ENDOD1: variants seen among roughly 807,000 people sequenced by gnomAD.
The protein encoded by ENDOD1 is endonuclease domain-containing 1 protein.
In ENDOD1, 9 loss-of-function variants were observed where a neutral mutation model predicts 6.5. That is an observed-to-expected ratio of 1.39 (90% CI 0.84 to 2.43). ENDOD1 has a LOEUF of 2.43. Ranked by LOEUF, ENDOD1 falls within the 30% of genes most tolerant of loss-of-function variation. The pLI is 0.00. For synonymous variants in ENDOD1, 255 were observed against 255.2 expected, an observed-to-expected ratio of 1.00 and a Z score of 0.01; for missense variants, 648 against 635.5, an observed-to-expected ratio of 1.02 and a Z score of -0.21.
At chr11:95,096,933 C>A (rs1180901941) in intron 1 of ENDOD1, among the ~76,000 whole-genome samples, 4 of 152,128 alleles carry the variant, frequency 2.6e-5, no homozygotes, top group African/African-American at 7.2e-5. Flanking sequence ...GAGGCCAAGG[C>A]GGTCTGATCA....
chr11:95,094,526 G>C (rs926322334), intron 1 of ENDOD1, among the ~76,000 whole-genome samples: 4 of 152,166 alleles, frequency 2.6e-5, no homozygotes, highest in Admixed American at 6.5e-5. Context: ...GGAATGAAGG[G>C]GATATTCTGG....
At chr11:95,106,836 C>A (rs1460322822) in intron 1 of ENDOD1, among the ~76,000 whole-genome samples, 1 of 151,960 alleles carries the variant, frequency 6.6e-6, no homozygotes, top group Admixed American at 6.6e-5. Context: ...CCCTTTCCCC[C>A]GTCAGCATCA....
At chr11:95,103,182 G>A (rs1859058554) in intron 1 of ENDOD1, among the ~76,000 whole-genome samples, 1 of 150,918 alleles carries the variant, frequency 6.6e-6, no homozygotes, top group Non-Finnish European at 1.5e-5. Context: ...AATAAATGTG[G>A]TCACAACCAA....
At position 95,131,218 on chromosome 11, in the gene ENDOD1, C is replaced by G. The variant is rs1459635062; in HGVS notation, c.*1639C>G. 6.6e-6 allele frequency: 1 copy of G among 152,150 alleles called. No homozygotes were observed. The highest frequency in any genetic ancestry group is 1.9e-4 in the East Asian group (1 of 5,198). 9.4% of individuals were successfully genotyped at this position (152,150 alleles called of 1,614,324 possible). On this transcript the variant is annotated 3_prime_UTR_variant, in exon 2 of 2. Coordinates refer to ENST00000278505, the MANE Select transcript of ENDOD1 (RefSeq NM_015036.3). ...TGGGTCCATGCTAGGGAGATGTGCA[C>G]CAGGCTTAGCTAAGAAACTTAAAGC... is the stretch of plus-strand genomic sequence containing the variant.
chr11:95,117,364 G>A (rs1859221151), intron 1 of ENDOD1, among the ~76,000 whole-genome samples: 1 of 152,220 alleles, frequency 6.6e-6, no homozygotes, highest in Non-Finnish European at 1.5e-5. Context: ...AGCTGAGATT[G>A]AGCCACTGCA....
In ENDOD1 at chr11:95,131,192, A is replaced by C. The variant is rs922981722; in HGVS notation, c.*1613A>C. Reference sequence around the variant, plus strand: ...CAAGGTTAGGGAGTATGAGCACCGCATGGGTCCATGCTAGGGAGATGTGCA... The same window carrying C: ...CAAGGTTAGGGAGTATGAGCACCGCCTGGGTCCATGCTAGGGAGATGTGCA... On this transcript the variant is annotated 3_prime_UTR_variant, in exon 2 of 2. Coordinates refer to ENST00000278505, the MANE Select transcript of ENDOD1 (RefSeq NM_015036.3). The C allele has an allele frequency of 2.4e-4, 36 of 152,358 alleles. No individual in the cohort carries two copies. The highest frequency in any genetic ancestry group is 8.7e-4 in the African/African-American group (36 of 41,574). The allele number at this position is 152,358 out of a possible 1,614,324, so 9.4% of individuals were successfully genotyped here.
Sources: allele counts gnomAD v4.1 joint callset (sites outside exome capture counted in the v4.1 genomes callset), GRCh38; gene constraint gnomAD v4.1.1; transcripts MANE v1.5; gene names NCBI Gene and HGNC (gene_info 2026-07-23, HGNC 2026-07-21).